Variants in IMMP2L observed in about 807,000 individuals in gnomAD.
IMMP2L encodes the protein inner mitochondrial membrane peptidase subunit 2, also known as mitochondrial inner membrane protease subunit 2.
IMMP2L carries 18 observed loss-of-function variants against 19.3 expected under a neutral mutation model. The observed-to-expected ratio is 0.93, with a 90% CI of 0.64 to 1.38. The LOEUF is 1.38. Among genes scored for constraint, IMMP2L ranks in the 40% most tolerant of loss-of-function variants. The pLI, the probability that IMMP2L is intolerant of heterozygous loss-of-function variation, is 0.00. For missense variants in IMMP2L, 233 were observed against 218.2 expected, an observed-to-expected ratio of 1.07 and a Z score of -0.43; for synonymous variants, 76 against 73.0, an observed-to-expected ratio of 1.04 and a Z score of -0.21.
intron 3 of IMMP2L, among the ~76,000 whole-genome samples, chr7:111,127,419 T>C (rs1801424184): frequency 6.6e-6 from 1 of 152,210 alleles, no homozygotes; most frequent in Admixed American, 6.5e-5. Context: ...CATATTTCTT[T>C]TAAAGTTTGT....
intron 3 of IMMP2L, among the ~76,000 whole-genome samples, chr7:111,042,579 G>A (rs548375189): frequency 2.0e-4 from 30 of 152,290 alleles, no homozygotes; most frequent in African/African-American, 7.2e-4. Context: ...CTAGATGCTC[G>A]CAGAGGTCAA....
chr7:111,098,957 A>C (rs1301211251), intron 3 of IMMP2L, among the ~76,000 whole-genome samples: 1 of 151,744 alleles, frequency 6.6e-6, no homozygotes, highest in Non-Finnish European at 1.5e-5. Flanking sequence ...TGCTCATACT[A>C]GAATATTATA....
At chr7:111,285,142 T>C (rs574895447) in intron 3 of IMMP2L, among the ~76,000 whole-genome samples, 35 of 152,106 alleles carry the variant, frequency 2.3e-4, no homozygotes, top group Admixed American at 2.2e-3. Context: ...TAGCTTACCC[T>C]ATGACATGAA....
intron 2 of IMMP2L, among the ~76,000 whole-genome samples, chr7:111,499,305 T>G (rs953204321): frequency 3.3e-5 from 5 of 151,988 alleles, no homozygotes; most frequent in African/African-American, 1.2e-4. Flanking sequence ...GGGGATGGGG[T>G]AGACAGGGAA....
intron 3 of IMMP2L, among the ~76,000 whole-genome samples, chr7:111,025,576 A>C (rs2129567737): frequency 6.6e-6 from 1 of 152,268 alleles, no homozygotes; most frequent in Non-Finnish European, 1.5e-5. Flanking sequence ...CCCTGAAAAT[A>C]AAAAATAGGT....
chr7:111,042,760 G>A (rs1792021459), intron 3 of IMMP2L, among the ~76,000 whole-genome samples: 1 of 152,134 alleles, frequency 6.6e-6, no homozygotes, highest in South Asian at 2.1e-4. Context: ...TTTTAAAGAA[G>A]CTTACAACTT....
At chr7:111,316,845 C>CTTTTTTTTTTT (rs869155077) in intron 3 of IMMP2L, among the ~76,000 whole-genome samples, 3,517 of 75,530 alleles carry the variant, frequency 0.047, no homozygotes, top group Non-Finnish European at 0.054. Context: ...TTTTTTTTTT[C>CTTTTTTTTTTT]TTTTTTTTTT....
intron 3 of IMMP2L, among the ~76,000 whole-genome samples, chr7:111,237,924 A>G (rs1473321508): frequency 6.6e-6 from 1 of 152,078 alleles, no homozygotes; most frequent in Non-Finnish European, 1.5e-5. Context: ...TCTATCCAAT[A>G]AAGTAGCTGT....
chr7:111,546,427 T>A (rs1426595829), intron 1 of IMMP2L, among the ~76,000 whole-genome samples: 4 of 152,186 alleles, frequency 2.6e-5, no homozygotes, highest in Admixed American at 6.5e-5. Flanking sequence ...TTATGAAATA[T>A]TAATACTCTT....
At chr7:111,059,950 T>C (rs2129574363) in intron 3 of IMMP2L, among the ~76,000 whole-genome samples, 1 of 151,894 alleles carries the variant, frequency 6.6e-6, no homozygotes, top group Admixed American at 6.6e-5. Context: ...AAAAAAGAAC[T>C]CTTCTTGCCA....
intron 1 of IMMP2L, among the ~76,000 whole-genome samples, chr7:111,539,127 AAAGAAAAGGAAGGAAGG>A (rs1238185975): frequency 1.6e-5 from 2 of 123,892 alleles, no homozygotes; most frequent in African/African-American, 6.6e-5. Context: ...CACAAAAAGA[AAAGAAAAGGAAGGAAGG>A]AAGGAAGGAA....
At chr7:111,404,341 G>GA (rs1833731075) in intron 3 of IMMP2L, among the ~76,000 whole-genome samples, 1 of 152,106 alleles carries the variant, frequency 6.6e-6, no homozygotes, top group Non-Finnish European at 1.5e-5. Flanking sequence ...TAATTACAAT[G>GA]AAAAAATTTT....
intron 3 of IMMP2L, among the ~76,000 whole-genome samples, chr7:111,038,945 TA>T (rs1489854794): frequency 1.3e-5 from 2 of 152,130 alleles, no homozygotes; most frequent in Admixed American, 6.6e-5. Flanking sequence ...CTAATATAAA[TA>T]AGGTGATAGA....
At chr7:111,408,288 T>C (rs1042554796) in intron 3 of IMMP2L, among the ~76,000 whole-genome samples, 1 of 151,850 alleles carries the variant, frequency 6.6e-6, no homozygotes, top group South Asian at 2.1e-4. Flanking sequence ...ATAATATTTA[T>C]TATAAGACAG....
chr7:111,470,974 A>T (rs897046227), intron 3 of IMMP2L, among the ~76,000 whole-genome samples: 6 of 152,028 alleles, frequency 3.9e-5, no homozygotes, highest in Non-Finnish European at 7.4e-5. Context: ...AAAAGGATGT[A>T]ATATACAACA....
At chr7:111,363,546 G>T (rs1449224759) in intron 3 of IMMP2L, among the ~76,000 whole-genome samples, 2 of 151,950 alleles carry the variant, frequency 1.3e-5, no homozygotes, top group Non-Finnish European at 1.5e-5. Flanking sequence ...GACCGTTAAG[G>T]CTTGAAGTAA....
At chr7:111,207,918 T>C (rs1043599228) in intron 3 of IMMP2L, among the ~76,000 whole-genome samples, 4 of 152,152 alleles carry the variant, frequency 2.6e-5, no homozygotes, top group Admixed American at 6.5e-5. Flanking sequence ...TTTCTTTCTT[T>C]GTTACAAGAG....
chr7:110,940,701 T>C (rs1488811640), intron 4 of IMMP2L, among the ~76,000 whole-genome samples: 1 of 152,160 alleles, frequency 6.6e-6, no homozygotes, highest in Non-Finnish European at 1.5e-5. Context: ...GGTATGCAAA[T>C]GTATGTCACT....
chr7:110,878,612 A>G (rs1404164623), intron 5 of IMMP2L, among the ~76,000 whole-genome samples: 2 of 152,202 alleles, frequency 1.3e-5, no homozygotes, highest in African/African-American at 4.8e-5. Context: ...AATCCTTCAT[A>G]TCATTCACTG....
Sources: gnomAD v4.1 joint callset for allele counts (sites outside exome capture counted in the v4.1 genomes callset) on GRCh38, gnomAD v4.1.1 for gene constraint, MANE v1.5 for transcripts, NCBI Gene and HGNC (gene_info 2026-07-23, HGNC 2026-07-21) for gene names.